LAMB4: variants seen among roughly 807,000 people sequenced by gnomAD.
LAMB4 encodes laminin subunit beta 4, also known as laminin subunit beta-4.
In LAMB4, 196 loss-of-function variants were observed where a neutral mutation model predicts 199.2. That is an observed-to-expected ratio of 0.98 (90% CI 0.88 to 1.11). The LOEUF (loss-of-function observed/expected upper bound fraction) is 1.11. LAMB4 is among the 50% of genes least tolerant of loss of function. The probability of loss-of-function intolerance (pLI) is 0.00; values close to 1 mark genes in which losing one functional copy is unlikely to be tolerated. For synonymous variants in LAMB4, 744 were observed against 770.6 expected (o/e 0.97, Z 0.57); for missense variants, 2,080 against 2,171.2 (o/e 0.96, Z 0.83).
Position 108,024,264 on chromosome 7 carries a change from A to G in LAMB4, c.5147-86T>C, listed in dbSNP as rs896595161. The G allele has an allele frequency of 2.2e-5, 14 of 648,262 alleles. No individual in the cohort carries two copies. The African/African-American group carries it at 2.5e-4, about 11-fold the overall frequency. The allele number at this position is 648,262 out of a possible 1,614,324, so 40.2% of individuals were successfully genotyped here. On this transcript the variant is annotated intron_variant, in intron 33 of 33. Coordinates refer to ENST00000388781, the MANE Select transcript of LAMB4 (RefSeq NM_007356.3). Reference sequence around the variant, plus strand: ...TACATTATACCAAACACAGGGATTTATGCGCCTCTCAAAGATATATTTAGT... The same window carrying G: ...TACATTATACCAAACACAGGGATTTGTGCGCCTCTCAAAGATATATTTAGT...
intron 33 of LAMB4, among the ~76,000 whole-genome samples, chr7:108,026,025 G>T (rs2150477925): frequency 6.6e-6 from 1 of 152,268 alleles, no homozygotes; most frequent in East Asian, 1.9e-4. Flanking sequence ...GCACGGAGGT[G>T]TATGCAGTTC....
chr7:108,034,653 G>A (rs1347455078), intron 30 of LAMB4, among the ~76,000 whole-genome samples: 5 of 152,092 alleles, frequency 3.3e-5, no homozygotes, highest in African/African-American at 2.4e-5. Flanking sequence ...AAACTATCCC[G>A]TGAATTCCAG....
intron 14 of LAMB4, among the ~76,000 whole-genome samples, chr7:108,087,804 A>G (rs755808559): frequency 1.3e-5 from 2 of 152,212 alleles, no homozygotes; most frequent in African/African-American, 2.4e-5. Flanking sequence ...TTCAGAACCC[A>G]GATTTCTAGA....
At chr7:108,057,951 G>A in intron 23 of LAMB4, 23 bp from the exon 24 acceptor site, 1 of 1,527,476 alleles carries the variant, frequency 6.5e-7, no homozygotes, top group East Asian at 2.2e-5. Context: ...TCATGGGTGA[G>A]GAATTGACAA....
chr7:108,089,000 G>C (rs2037293919), intron 14 of LAMB4, among the ~76,000 whole-genome samples: 1 of 152,192 alleles, frequency 6.6e-6, no homozygotes, highest in South Asian at 2.1e-4. Context: ...ATGGAATACA[G>C]GCCATACAGG....
chr7:108,086,186 G>A (rs1157994076), intron 14 of LAMB4, among the ~76,000 whole-genome samples: 1 of 152,210 alleles, frequency 6.6e-6, no homozygotes, highest in Non-Finnish European at 1.5e-5. Flanking sequence ...CAACAGGCCA[G>A]CCCTGTGCCT....
At chr7:108,087,710 AGAG>A (rs1343222835) in intron 14 of LAMB4, among the ~76,000 whole-genome samples, 2 of 145,944 alleles carry the variant, frequency 1.4e-5, no homozygotes, top group Non-Finnish European at 3.0e-5. Flanking sequence ...TCTCCATGTA[AGAG>A]GAGAGCCACT....
downstream of LAMB4, among the ~76,000 whole-genome samples, chr7:108,022,957 G>A (rs375686123): frequency 2.0e-4 from 30 of 152,056 alleles, no homozygotes; most frequent in African/African-American, 7.0e-4. Flanking sequence ...GATTACAAGC[G>A]TGCACCACCA....
intron 12 of LAMB4, among the ~76,000 whole-genome samples, chr7:108,094,142 T>G (rs1451534500): frequency 6.6e-6 from 1 of 152,184 alleles, no homozygotes; most frequent in Non-Finnish European, 1.5e-5. Context: ...TTTGCTTGCT[T>G]GCCCTGCAAG....
intron 33 of LAMB4, 95 bp downstream of exon 33, chr7:108,028,947 TA>T: frequency 8.1e-7 from 1 of 1,227,914 alleles, no homozygotes; most frequent in Non-Finnish European, 1.1e-6. Context: ...ACCCAAGTGA[TA>T]AAACTGTAAG....
chr7:108,030,990 T>A lies in LAMB4; in HGVS notation c.4819-11A>T, dbSNP rs1352120286. The A allele has an allele frequency of 6.2e-7, 1 of 1,609,046 alleles. No homozygotes were observed. Among genetic ancestry groups the A allele is most frequent in the Admixed American group, 1.7e-5 (1 of 59,468 alleles). On this transcript the variant is annotated splice_polypyrimidine_tract_variant and intron_variant, in intron 31 of 33. Coordinates refer to ENST00000388781, the MANE Select transcript of LAMB4 (RefSeq NM_007356.3). ...GGTTTGATTTTCAGCCTGTTGTTGA[T>A]TTAAAGACCAAAAAGGGAAAATCTC...
At chr7:108,121,797 G>C (rs1215916928) in intron 2 of LAMB4, among the ~76,000 whole-genome samples, 3 of 151,002 alleles carry the variant, frequency 2.0e-5, no homozygotes, top group African/African-American at 7.3e-5. Flanking sequence ...TGCACTTTTA[G>C]TGAAGTTCCT....
intron 2 of LAMB4, among the ~76,000 whole-genome samples, chr7:108,122,646 A>G (rs1283166693): frequency 6.6e-6 from 1 of 152,236 alleles, no homozygotes; most frequent in Admixed American, 6.5e-5. Flanking sequence ...AAAGAGAGTA[A>G]TTGTTGGAAA....
At position 108,098,472 on chromosome 7, in the gene LAMB4, C is replaced by T. The variant is rs2037708547; in HGVS notation, c.1291G>A (p.Gly431Arg). 2.5e-6 allele frequency: 4 copies of T among 1,582,100 alleles called. No individual in the cohort carries two copies. Among genetic ancestry groups the T allele is most frequent in the Non-Finnish European group, 2.6e-6 (3 of 1,164,626 alleles). ...GQCLCKENVEGAKCDQCKPNH... is the reference protein window; with the variant it reads ...GQCLCKENVERAKCDQCKPNH... The stretch of plus-strand genomic sequence containing the variant: ...GGTTTGCACTGGTCGCATTTGGCTC[C>T]TTCCACGTTCTCTTTACAAAGGCAC... Residue 431 changes from glycine (G) to arginine (R), a missense_variant, in exon 11 of 34, where the codon GGA becomes AGA. Coordinates refer to ENST00000388781, the MANE Select transcript of LAMB4 (RefSeq NM_007356.3).
At chr7:108,113,826 C>A (rs1373570071) in intron 3 of LAMB4, among the ~76,000 whole-genome samples, 1 of 152,174 alleles carries the variant, frequency 6.6e-6, no homozygotes, top group Admixed American at 6.6e-5. Flanking sequence ...TGCTTGGTAG[C>A]TCTTTCTTAG....
intron 17 of LAMB4, among the ~76,000 whole-genome samples, chr7:108,071,029 G>A (rs190798771): frequency 6.6e-6 from 1 of 152,156 alleles, no homozygotes; most frequent in Non-Finnish European, 1.5e-5. Flanking sequence ...AGTGGAAGAA[G>A]TGTCCCATTG....
chr7:108,037,421 G>T lies in LAMB4; in HGVS notation c.4646C>A (p.Ala1549Asp), dbSNP rs1354297576. 1.2e-6 allele frequency: 2 copies of T among 1,614,032 alleles called. No homozygotes were observed. The highest frequency in any genetic ancestry group is 1.7e-6 in the Non-Finnish European group (2 of 1,179,964). ...TTTGGCCTTCACCAAAAGCTTTTGG[G>T]CTCCATCTGCTTCTTCATTTAACCT... ...ENRLNEEADG[A>D]QKLLVKAKAA... Residue 1549 changes from alanine (A) to aspartate (D), a missense_variant, in exon 30 of 34, where the codon GCC becomes GAC. Ala to Asp is a moderately radical substitution (Grantham distance 126). Transcript: ENST00000388781.
intron 25 of LAMB4, among the ~76,000 whole-genome samples, chr7:108,052,792 GT>G (rs1230180703): frequency 6.6e-6 from 1 of 152,198 alleles, no homozygotes; most frequent in African/African-American, 2.4e-5. Context: ...GTTCCCCTGG[GT>G]TTTTTTCCAT....
intron 33 of LAMB4, among the ~76,000 whole-genome samples, chr7:108,028,603 A>G (rs888096712): frequency 1.3e-5 from 2 of 151,238 alleles, no homozygotes; most frequent in Admixed American, 6.6e-5. Context: ...CAGCCTCCCA[A>G]GTAGCTGGGA....
Sources: gnomAD v4.1 joint callset for allele counts (sites outside exome capture counted in the v4.1 genomes callset) on GRCh38, gnomAD v4.1.1 for gene constraint, MANE v1.5 for transcripts, NCBI Gene and HGNC (gene_info 2026-07-23, HGNC 2026-07-21) for gene names.